Variants in PTPRD observed in about 807,000 individuals in gnomAD.
PTPRD encodes protein tyrosine phosphatase receptor type D.
PTPRD carries 34 observed loss-of-function variants against 214.5 expected under a neutral mutation model. That is an observed-to-expected ratio of 0.16 (90% CI 0.12 to 0.21). The LOEUF (loss-of-function observed/expected upper bound fraction) is 0.21. Among genes scored for constraint, PTPRD ranks in the 10% least tolerant of loss-of-function variants. PTPRD has a pLI of 1.00. For synonymous variants in PTPRD, 1,128 were observed against 845.7 expected (o/e 1.33, Z -5.79); for missense variants, 2,545 against 2,398.7 (o/e 1.06, Z -1.27).
At chr9:9,214,965 G>T (rs2099951197) in intron 9 of PTPRD, among the ~76,000 whole-genome samples, 1 of 152,188 alleles carries the variant, frequency 6.6e-6, no homozygotes, top group Admixed American at 6.5e-5. Flanking sequence ...TCTGGGTTCA[G>T]AGTCTATGCT....
chr9:9,529,330 T>G (rs1321352931), intron 8 of PTPRD, among the ~76,000 whole-genome samples: 1 of 149,372 alleles, frequency 6.7e-6, no homozygotes, highest in Non-Finnish European at 1.5e-5. Context: ...TTTGAAAGAC[T>G]AGTAACAAAA....
chr9:10,149,881 C>T (rs1254740828), intron 3 of PTPRD, among the ~76,000 whole-genome samples: 3 of 151,996 alleles, frequency 2.0e-5, no homozygotes, highest in Non-Finnish European at 2.9e-5. Context: ...CAGGCACCTG[C>T]CACAACACCC....
At chr9:10,402,188 T>G (rs2154497233) in intron 2 of PTPRD, among the ~76,000 whole-genome samples, 1 of 151,780 alleles carries the variant, frequency 6.6e-6, no homozygotes, top group East Asian at 2.0e-4. Flanking sequence ...ACTTAAATAT[T>G]ATTTAGATAT....
At chr9:10,521,062 C>T (rs1295528536) in intron 2 of PTPRD, among the ~76,000 whole-genome samples, 1 of 151,700 alleles carries the variant, frequency 6.6e-6, no homozygotes, top group African/African-American at 2.4e-5. Context: ...CTGTAGCTTC[C>T]ATAGATAGTG....
chr9:8,681,372 G>C (rs922606278), intron 12 of PTPRD, among the ~76,000 whole-genome samples: 8 of 152,168 alleles, frequency 5.3e-5, no homozygotes, highest in African/African-American at 1.9e-4. Context: ...GAAAGAAAAA[G>C]AGAGGGCATA....
At chr9:9,487,753 T>A (rs1321833005) in intron 8 of PTPRD, among the ~76,000 whole-genome samples, 1 of 152,170 alleles carries the variant, frequency 6.6e-6, no homozygotes, top group Non-Finnish European at 1.5e-5. Flanking sequence ...TAGACTTTGA[T>A]TCTTTACAAT....
chr9:10,572,474 G>C (rs1049096405), intron 2 of PTPRD, among the ~76,000 whole-genome samples: 10 of 152,100 alleles, frequency 6.6e-5, no homozygotes, highest in Non-Finnish European at 1.5e-4. Flanking sequence ...CTTTAAACTT[G>C]TTCCTATGAG....
intron 8 of PTPRD, among the ~76,000 whole-genome samples, chr9:9,420,843 A>G (rs2078542354): frequency 6.6e-6 from 1 of 151,990 alleles, no homozygotes; most frequent in African/African-American, 2.4e-5. Flanking sequence ...ATGTATCTAT[A>G]TATTTGTAAA....
At chr9:10,403,220 G>C (rs995583965) in intron 2 of PTPRD, among the ~76,000 whole-genome samples, 1 of 39,698 alleles carries the variant, frequency 2.5e-5, no homozygotes, top group Non-Finnish European at 6.1e-5. Context: ...ATTTGTGTGT[G>C]TGTGTAAATA....
intron 3 of PTPRD, among the ~76,000 whole-genome samples, chr9:10,038,914 C>T (rs2097243705): frequency 6.6e-6 from 1 of 152,062 alleles, no homozygotes; most frequent in Non-Finnish European, 1.5e-5. Context: ...GCCCTTTACA[C>T]TAGCCTCTAA....
At chr9:9,642,335 C>T (rs1376723994) in intron 7 of PTPRD, among the ~76,000 whole-genome samples, 3 of 149,238 alleles carry the variant, frequency 2.0e-5, no homozygotes, top group Non-Finnish European at 3.0e-5. Context: ...TTAGTGGGTG[C>T]AGCGCACCAG....
chr9:9,774,778 CA>C (rs1597422800), intron 5 of PTPRD, among the ~76,000 whole-genome samples: 2 of 152,114 alleles, frequency 1.3e-5, no homozygotes, highest in Non-Finnish European at 2.9e-5. Flanking sequence ...ATAGCCTTAA[CA>C]TATTTCTTTT....
intron 10 of PTPRD, among the ~76,000 whole-genome samples, chr9:9,076,587 T>C (rs2099751586): frequency 6.6e-6 from 1 of 152,094 alleles, no homozygotes; most frequent in African/African-American, 2.4e-5. Flanking sequence ...TCACATAATA[T>C]AATGTCCTTC....
At chr9:9,788,957 T>A (rs1001121114) in intron 5 of PTPRD, among the ~76,000 whole-genome samples, 1 of 152,170 alleles carries the variant, frequency 6.6e-6, no homozygotes, top group Non-Finnish European at 1.5e-5. Context: ...TTCCGGTGCC[T>A]CTCTAACACT....
chr9:8,504,733 G>A (rs947726643), intron 22 of PTPRD, among the ~76,000 whole-genome samples: 1 of 152,190 alleles, frequency 6.6e-6, no homozygotes, highest in Admixed American at 6.5e-5. Context: ...ATGTGTGTAT[G>A]TTGCTGTGAC....
intron 5 of PTPRD, among the ~76,000 whole-genome samples, chr9:9,931,394 C>A (rs893448422): frequency 6.6e-6 from 1 of 152,282 alleles, no homozygotes; most frequent in African/African-American, 2.4e-5. Flanking sequence ...CGAAGCAGGG[C>A]GAGGCATTGC....
intron 3 of PTPRD, among the ~76,000 whole-genome samples, chr9:10,327,293 T>C (rs1213983257): frequency 1.3e-5 from 2 of 151,032 alleles, no homozygotes; most frequent in African/African-American, 2.4e-5. Flanking sequence ...CTAAATAAAA[T>C]ACTTACTCTC....
intron 7 of PTPRD, among the ~76,000 whole-genome samples, chr9:9,609,283 C>T (rs10977874): frequency 0.26 from 38,735 of 151,746 alleles, 5,183 homozygotes; most frequent in Non-Finnish European, 0.28. Context: ...TCAATAAACC[C>T]GACAACAATT....
chr9:8,364,174 A>G (rs192976042), intron 39 of PTPRD, among the ~76,000 whole-genome samples: 1 of 152,378 alleles, frequency 6.6e-6, no homozygotes, highest in East Asian at 1.9e-4. Context: ...TGCAAGAAAT[A>G]GCACAAATCC....
Sources: allele counts gnomAD v4.1 joint callset (sites outside exome capture counted in the v4.1 genomes callset), GRCh38; gene constraint gnomAD v4.1.1; transcripts MANE v1.5; gene names NCBI Gene and HGNC (gene_info 2026-07-23, HGNC 2026-07-21).